Variants in PREX1 observed in about 807,000 individuals in gnomAD.
PREX1 encodes phosphatidylinositol 3,4,5-trisphosphate-dependent Rac exchanger 1 protein.
In PREX1, 41 loss-of-function variants were observed where a neutral mutation model predicts 198.3. The ratio of observed to expected loss-of-function variants is 0.21; its 90% confidence interval spans 0.16 to 0.27. The LOEUF is 0.27. PREX1 is among the 10% of genes least tolerant of loss of function. The pLI is 1.00. For synonymous variants in PREX1, 843 were observed against 887.2 expected, an observed-to-expected ratio of 0.95 and a Z score of 0.89; for missense variants, 1,620 against 2,200.7, an observed-to-expected ratio of 0.74 and a Z score of 5.28.
rs890376599 is a variant in PREX1, at chr20:48,691,412, T to C, written c.1037-316A>G. On this transcript the variant is annotated intron_variant, in intron 8 of 39. Transcript: ENST00000371941. This position sits in a 1 kb window ranked among gnomAD's most constrained non-coding sequence, Gnocchi z 5.0. ...AGCCCCAAAATGCTTCCTGGGCTCC[T>C]CCCATCTCACTCGGGCACTGGAGTT... Among the ~76,000 whole-genome samples, 1 of 152,188 alleles carries C rather than the reference T, an allele frequency of 6.6e-6. No homozygotes were observed. The highest frequency in any genetic ancestry group is 2.4e-5 in the African/African-American group (1 of 41,446).
upstream of PREX1, among the ~76,000 whole-genome samples, chr20:48,828,679 C>T (rs1236413556): frequency 6.6e-6 from 1 of 152,194 alleles, no homozygotes; most frequent in Non-Finnish European, 1.5e-5. Context: ...CCTTTCCCAT[C>T]TCTCTCTTTC....
chr20:48,748,213 G>C (rs2090118251), intron 1 of PREX1, among the ~76,000 whole-genome samples: 1 of 152,032 alleles, frequency 6.6e-6, no homozygotes, highest in Non-Finnish European at 1.5e-5. Flanking sequence ...CCTCACCCAG[G>C]GGCGCCTCTC....
intron 1 of PREX1, among the ~76,000 whole-genome samples, chr20:48,789,794 T>C (rs2090329632): frequency 6.6e-6 from 1 of 152,152 alleles, no homozygotes; most frequent in Admixed American, 6.5e-5. Flanking sequence ...AATGAGTATA[T>C]TGCAGGAAAT....
At chr20:48,738,986 G>A (rs974928876) in intron 3 of PREX1, among the ~76,000 whole-genome samples, 4 of 152,250 alleles carry the variant, frequency 2.6e-5, no homozygotes, top group Non-Finnish European at 5.9e-5. Context: ...TGGGGAGAGG[G>A]GGGTTAAAAC....
At chr20:48,681,493 C>T (rs2089750343) in intron 10 of PREX1, among the ~76,000 whole-genome samples, 158 bp from the exon 11 acceptor site, 1 of 152,136 alleles carries the variant, frequency 6.6e-6, no homozygotes, top group African/African-American at 2.4e-5. Flanking sequence ...TGGGGTTGTA[C>T]TGAGGCTTCA....
intron 7 of PREX1, among the ~76,000 whole-genome samples, chr20:48,695,823 T>G (rs1431566608): frequency 6.6e-6 from 1 of 152,252 alleles, no homozygotes; most frequent in East Asian, 1.9e-4. Context: ...GTACACATTT[T>G]CAGTTTTGTA....
At chr20:48,869,150 C>T in the PREX1 span, among the ~76,000 whole-genome samples, 1 of 152,188 alleles carries the variant, frequency 6.6e-6, no homozygotes, top group Admixed American at 6.5e-5. Flanking sequence ...GCTGGAATTA[C>T]AGGTGTGAGC....
At chr20:48,719,311 C>CA (rs2089975597) in intron 5 of PREX1, among the ~76,000 whole-genome samples, 1 of 152,194 alleles carries the variant, frequency 6.6e-6, no homozygotes, top group East Asian at 1.9e-4. Context: ...GGACCCCCCC[C>CA]CCAACTCCCC....
intron 1 of PREX1, among the ~76,000 whole-genome samples, chr20:48,802,361 T>G (rs941766837): frequency 2.0e-5 from 3 of 152,004 alleles, no homozygotes; most frequent in Non-Finnish European, 4.4e-5. Context: ...CTCCCCTCAC[T>G]CACTCTACCC....
intron 36 of PREX1, among the ~76,000 whole-genome samples, chr20:48,629,911 A>AAGCCTGAAGAAAGTGCCCTCTCCC (rs2089300517): frequency 6.6e-6 from 1 of 152,168 alleles, no homozygotes; most frequent in Non-Finnish European, 1.5e-5. Flanking sequence ...GTCCCCAGTG[A>AAGCCTGAAGAAAGTGCCCTCTCCC]AGCCTGAAGA....
At chr20:48,866,845 C>T in the PREX1 span, among the ~76,000 whole-genome samples, 1 of 152,062 alleles carries the variant, frequency 6.6e-6, no homozygotes, top group African/African-American at 2.4e-5. Context: ...GGGAGGATCA[C>T]TTGAGCCTGG....
the PREX1 span, among the ~76,000 whole-genome samples, chr20:48,833,998 G>T: frequency 4.6e-5 from 7 of 152,068 alleles, no homozygotes; most frequent in African/African-American, 9.6e-5. Flanking sequence ...GGAGAATGGC[G>T]TGAACCCGGG....
At chr20:48,709,029 G>A (rs1316280913) in intron 5 of PREX1, among the ~76,000 whole-genome samples, 2 of 152,180 alleles carry the variant, frequency 1.3e-5, no homozygotes, top group East Asian at 1.9e-4. Context: ...TGCCCCCACC[G>A]TTTCCCACTG....
intron 5 of PREX1, among the ~76,000 whole-genome samples, chr20:48,714,359 T>C (rs183585310): frequency 1.3e-5 from 2 of 152,300 alleles, no homozygotes; most frequent in Admixed American, 1.3e-4. Context: ...ATAGTATCAA[T>C]TACACATCTG....
chr20:48,650,098 G>A lies in PREX1; in HGVS notation c.2926C>T (p.Leu976Phe), dbSNP rs368033397. 1.2e-6 allele frequency: 2 copies of A among 1,614,140 alleles called. No individual in the cohort carries two copies. The highest frequency in any genetic ancestry group is 1.7e-6 in the Non-Finnish European group (2 of 1,179,948). Residue 976 changes from leucine (L) to phenylalanine (F), a missense_variant, in exon 24 of 40, where the codon CTC becomes TTC. Leu to Phe is a conservative substitution (Grantham distance 22). Transcript: ENST00000371941. Reference sequence around the variant, plus strand: ...GTCTTGGGGTAGGACACTTCCATGAGGTTGATGTGGCAATTGGTGGGGCAG... The same window carrying A: ...GTCTTGGGGTAGGACACTTCCATGAAGTTGATGTGGCAATTGGTGGGGCAG... Reference protein sequence around the residue: ...DFCPTNCHINLMEVSYPKTTP... With the variant: ...DFCPTNCHINFMEVSYPKTTP...
intron 35 of PREX1, 109 bp from the exon 36 acceptor site, chr20:48,630,903 C>A: frequency 1.2e-6 from 1 of 813,552 alleles, no homozygotes; most frequent in South Asian, 1.5e-5. Context: ...TCTGCCGACT[C>A]TCAGAATGAA....
chr20:48,775,005 A>T (rs1414468247), intron 1 of PREX1, among the ~76,000 whole-genome samples: 1 of 152,128 alleles, frequency 6.6e-6, no homozygotes, highest in Non-Finnish European at 1.5e-5. Flanking sequence ...GGGAGACAGG[A>T]ACCTGCTTCC....
At chr20:48,768,279 A>T (rs2090218170) in intron 1 of PREX1, among the ~76,000 whole-genome samples, 1 of 152,226 alleles carries the variant, frequency 6.6e-6, no homozygotes, top group Non-Finnish European at 1.5e-5. Flanking sequence ...ACCAATGTCC[A>T]TCAACAGGAG....
At chr20:48,787,607 T>TAA (rs200161913) in intron 1 of PREX1, among the ~76,000 whole-genome samples, 3 of 134,564 alleles carry the variant, frequency 2.2e-5, no homozygotes, top group African/African-American at 5.4e-5. Flanking sequence ...CCCCTTACAT[T>TAA]AAAAAAAAAA....
Sources: gnomAD v4.1 joint callset for allele counts (sites outside exome capture counted in the v4.1 genomes callset) on GRCh38, gnomAD v4.1.1 for gene constraint, Gnocchi (gnomAD v3.1) non-coding constraint, MANE v1.5 for transcripts, NCBI Gene and HGNC (gene_info 2026-07-23, HGNC 2026-07-21) for gene names.